Variants in ANO6 observed in about 807,000 individuals in gnomAD.
The protein encoded by ANO6 is anoctamin-6.
In ANO6, 106 loss-of-function variants were observed where a neutral mutation model predicts 117.5. The observed-to-expected ratio is 0.90, with a 90% CI of 0.77 to 1.06. The LOEUF is 1.06. Ranked by LOEUF, ANO6 falls within the 50% of genes least tolerant of loss-of-function variation. The pLI is 0.00. For synonymous variants in ANO6, 367 were observed against 385.1 expected (o/e 0.95, Z 0.55); for missense variants, 955 against 1,121.1 (o/e 0.85, Z 2.12).
At chr12:45,327,184 T>C (rs1226744061) in intron 2 of ANO6, among the ~76,000 whole-genome samples, 3 of 152,134 alleles carry the variant, frequency 2.0e-5, no homozygotes, top group African/African-American at 7.2e-5. Context: ...AAAAAGAGTA[T>C]TTCATTTGGG....
chr12:45,409,249 TA>T, intron 15 of ANO6, 107 bp from the exon 16 acceptor site: 4 of 1,416,200 alleles, frequency 2.8e-6, no homozygotes, highest in Non-Finnish European at 3.9e-6. Flanking sequence ...AACAAAAAAA[TA>T]GTTTATTGGG....
chr12:45,400,979 C>T (rs60151261), intron 12 of ANO6, among the ~76,000 whole-genome samples: 1,605 of 152,272 alleles, frequency 0.011, 28 homozygotes, highest in African/African-American at 0.035. Flanking sequence ...TAATGTGCGT[C>T]GTTGAGTGGT....
intron 12 of ANO6, among the ~76,000 whole-genome samples, chr12:45,393,910 G>A (rs1339076844): frequency 2.6e-5 from 4 of 152,132 alleles, no homozygotes; most frequent in African/African-American, 7.2e-5. Flanking sequence ...TGTAAAGACC[G>A]TCGATCCTAT....
chr12:45,320,566 G>A (rs538809924), intron 2 of ANO6, among the ~76,000 whole-genome samples: 7 of 152,256 alleles, frequency 4.6e-5, no homozygotes, highest in East Asian at 3.9e-4. Context: ...GAATAGGTGC[G>A]GTGTGGTGCT....
intron 9 of ANO6, among the ~76,000 whole-genome samples, chr12:45,374,724 A>G (rs1489197827): frequency 1.3e-5 from 2 of 148,508 alleles, no homozygotes; most frequent in African/African-American, 2.5e-5. Context: ...AGAGCTATCT[A>G]TGACAAACCC....
Position 45,317,111 on chromosome 12 carries a change from A to ATGTGTGTG in ANO6, c.151-14181_151-14180insGTGTGTGT, listed in dbSNP as rs10632163. 6.3e-3 allele frequency among the ~76,000 whole-genome samples: 88 copies of ATGTGTGTG among 13,918 alleles called. 6 individuals carry two copies. Among genetic ancestry groups the ATGTGTGTG allele is most frequent in the Admixed American group, 0.025 (19 of 748 alleles). 9.1% of individuals were successfully genotyped at this position (13,918 alleles called of 152,430 possible). A position where few individuals can be genotyped will look rare whatever the true frequency, so the allele number is the denominator to read the frequency against. ...GAAAAGACAGCTGGATTCTTTTTAT[A>ATGTGTGTG]TGTATATATATATATATATATTTAT... On this transcript the variant is annotated intron_variant, in intron 2 of 19. Transcript: ENST00000320560.
chr12:45,315,836 CTG>C (rs2137347302), intron 2 of ANO6, among the ~76,000 whole-genome samples: 1 of 152,144 alleles, frequency 6.6e-6, no homozygotes, highest in Non-Finnish European at 1.5e-5. Context: ...CTGTTGATAA[CTG>C]AGGCTCTCTC....
chr12:45,416,045 A>G (rs1943204491), intron 16 of ANO6, among the ~76,000 whole-genome samples: 1 of 152,186 alleles, frequency 6.6e-6, no homozygotes, highest in African/African-American at 2.4e-5. Flanking sequence ...GCCACCACTC[A>G]AATTTTGACT....
At chr12:45,390,544 T>C (rs778432426) in intron 12 of ANO6, 46 bp downstream of exon 12, 5 of 1,524,938 alleles carry the variant, frequency 3.3e-6, no homozygotes, top group Non-Finnish European at 4.5e-6. Context: ...AATGTTTTTA[T>C]TATGTAACAG....
intron 10 of ANO6, chr12:45,383,504 A>G (rs1242270503): frequency 2.6e-5 from 4 of 152,230 alleles, no homozygotes; most frequent in African/African-American, 9.7e-5. Context: ...AATAATTACT[A>G]TCTATGGCAG....
chr12:45,240,898 A>T (rs1281404585), intron 1 of ANO6, among the ~76,000 whole-genome samples: 1 of 152,158 alleles, frequency 6.6e-6, no homozygotes, highest in Non-Finnish European at 1.5e-5. Context: ...TTCTGGCTGT[A>T]GGGTTTCTGC....
intron 1 of ANO6, among the ~76,000 whole-genome samples, chr12:45,232,322 A>G (rs1947584881): frequency 6.6e-6 from 1 of 152,198 alleles, no homozygotes; most frequent in African/African-American, 2.4e-5. Context: ...AACAAAGAAG[A>G]CTGAAGTGGC....
At chr12:45,379,950 C>T (rs746693829) in intron 10 of ANO6, among the ~76,000 whole-genome samples, 13 of 152,202 alleles carry the variant, frequency 8.5e-5, no homozygotes, top group Non-Finnish European at 1.6e-4. Flanking sequence ...AGAACTACTG[C>T]TGTGAACCAC....
intron 13 of ANO6, 54 bp from the exon 14 acceptor site, chr12:45,403,018 G>A: frequency 6.6e-7 from 1 of 1,521,320 alleles, no homozygotes; most frequent in Non-Finnish European, 9.1e-7. Flanking sequence ...TTTTATTAGA[G>A]TCTCAAAGCT....
intron 9 of ANO6, among the ~76,000 whole-genome samples, chr12:45,373,401 G>A (rs1428769756): frequency 2.0e-5 from 3 of 151,922 alleles, no homozygotes; most frequent in Non-Finnish European, 4.4e-5. Context: ...AAATCAACAG[G>A]ATATACATTT....
At chr12:45,386,194 G>T (rs1942293496) in intron 10 of ANO6, among the ~76,000 whole-genome samples, 1 of 152,136 alleles carries the variant, frequency 6.6e-6, no homozygotes, top group Non-Finnish European at 1.5e-5. Context: ...CTTACCTGCA[G>T]CCAGGGTGTG....
chr12:45,300,269 C>T (rs556874259), intron 1 of ANO6, among the ~76,000 whole-genome samples: 39 of 152,296 alleles, frequency 2.6e-4, no homozygotes, highest in African/African-American at 8.7e-4. Flanking sequence ...TAGCCTCAAC[C>T]TCCCAGGCTC....
Position 45,273,195 on chromosome 12 carries a change from G to A in ANO6, c.71-28819G>A, listed in dbSNP as rs183355348. 2.7e-4 allele frequency among the ~76,000 whole-genome samples: 41 copies of A among 152,300 alleles called. No homozygotes were observed. In the East Asian group the frequency reaches 6.7e-3, roughly 25 times the overall value. On this transcript the variant is annotated intron_variant, in intron 1 of 19. Transcript: ENST00000320560. ...AGGGTACAGAGTTTAAGTTAAAGAGGACTAAGTTCTGGGGATCTAATGTAC... is the reference window on the plus strand; with the variant it reads ...AGGGTACAGAGTTTAAGTTAAAGAGAACTAAGTTCTGGGGATCTAATGTAC...
At chr12:45,404,871 TC>T (rs937877498) in intron 15 of ANO6, among the ~76,000 whole-genome samples, 1 of 152,218 alleles carries the variant, frequency 6.6e-6, no homozygotes, top group African/African-American at 2.4e-5. Flanking sequence ...CTCTCTCCTT[TC>T]TTCTCCTACT....
Sources: gnomAD v4.1 joint callset for allele counts (sites outside exome capture counted in the v4.1 genomes callset) on GRCh38, gnomAD v4.1.1 for gene constraint, MANE v1.5 for transcripts, NCBI Gene and HGNC (gene_info 2026-07-23, HGNC 2026-07-21) for gene names.